The following MTHFD1L variants were observed in gnomAD, a reference collection of about 807,000 sequenced individuals.
MTHFD1L encodes the protein methylenetetrahydrofolate dehydrogenase (NADP+ dependent) 1 like.
Under a neutral mutation model 119.5 loss-of-function variants are expected in MTHFD1L, and 81 were observed. That is an observed-to-expected ratio of 0.68 (90% CI 0.57 to 0.82). The LOEUF (loss-of-function observed/expected upper bound fraction) is 0.82, where lower values mean the gene tolerates loss of function less well. Ranked by LOEUF, MTHFD1L falls within the 40% of genes least tolerant of loss-of-function variation. The probability of loss-of-function intolerance (pLI) is 0.00; values close to 1 mark genes in which losing one functional copy is unlikely to be tolerated. For synonymous variants in MTHFD1L, 430 were observed against 475.2 expected, an observed-to-expected ratio of 0.90 and a Z score of 1.24; for missense variants, 1,125 against 1,253.4, an observed-to-expected ratio of 0.90 and a Z score of 1.55.
At chr6:150,911,329 T>C (rs1483385016) in intron 8 of MTHFD1L, among the ~76,000 whole-genome samples, 1 of 152,206 alleles carries the variant, frequency 6.6e-6, no homozygotes, top group Non-Finnish European at 1.5e-5. Context: ...TTTTAAAAAC[T>C]AGTGATATGC....
At chr6:150,966,439 A>G (rs1397255294) in intron 19 of MTHFD1L, among the ~76,000 whole-genome samples, 1 of 152,174 alleles carries the variant, frequency 6.6e-6, no homozygotes, top group African/African-American at 2.4e-5. Context: ...ACCTCTCCCC[A>G]GGCCCCTCCT....
At chr6:151,085,805 C>A (rs946946941) in intron 26 of MTHFD1L, among the ~76,000 whole-genome samples, 2 of 151,978 alleles carry the variant, frequency 1.3e-5, no homozygotes, top group Admixed American at 1.3e-4. Flanking sequence ...CTGAATGTCC[C>A]AAGGGTCTGC....
chr6:150,988,715 T>C (rs1445709749), intron 20 of MTHFD1L, among the ~76,000 whole-genome samples: 6 of 152,248 alleles, frequency 3.9e-5, no homozygotes, highest in Non-Finnish European at 8.8e-5. Flanking sequence ...TAAGTGATTC[T>C]TCTGCCTCAG....
At chr6:150,991,934 C>T (rs1172861981) in intron 20 of MTHFD1L, among the ~76,000 whole-genome samples, 1 of 152,080 alleles carries the variant, frequency 6.6e-6, no homozygotes, top group Non-Finnish European at 1.5e-5. Flanking sequence ...CAAAATAGTT[C>T]GCTAGTTCAG....
chr6:151,059,822 C>T (rs770217761), intron 26 of MTHFD1L, among the ~76,000 whole-genome samples: 4 of 152,202 alleles, frequency 2.6e-5, no homozygotes, highest in African/African-American at 4.8e-5. Flanking sequence ...GGCTCTAACT[C>T]GGTGTCTTAC....
chr6:150,866,076 A>C (rs1477884866), intron 1 of MTHFD1L, 27 bp downstream of exon 1: 2 of 1,480,298 alleles, frequency 1.4e-6, no homozygotes, highest in African/African-American at 2.9e-5. Context: ...GCCCTGGCCC[A>C]GGTCTCCAGC....
chr6:151,012,454 G>T (rs1415096837), intron 21 of MTHFD1L, among the ~76,000 whole-genome samples: 1 of 151,968 alleles, frequency 6.6e-6, no homozygotes, highest in Non-Finnish European at 1.5e-5. Context: ...AACCATGGCT[G>T]CCTCTTATGT....
intron 2 of MTHFD1L, among the ~76,000 whole-genome samples, chr6:150,876,975 G>C (rs750628554): frequency 6.6e-6 from 1 of 152,112 alleles, no homozygotes; most frequent in African/African-American, 2.4e-5. Context: ...ATTAGGGCTC[G>C]GGCCTCCTGG....
intron 14 of MTHFD1L, 130 bp from the exon 15 acceptor site, chr6:150,945,337 A>G (rs565098472): frequency 4.5e-6 from 3 of 670,904 alleles, no homozygotes; most frequent in South Asian, 2.1e-5. Flanking sequence ...TTAGCCCACA[A>G]ATTTTAATAG....
At chr6:150,960,518 A>G in intron 18 of MTHFD1L, 103 bp downstream of exon 18, 4 of 1,425,748 alleles carry the variant, frequency 2.8e-6, no homozygotes, top group Non-Finnish European at 3.7e-6. Context: ...TGTAATGAGG[A>G]TACAGAAAAA....
chr6:150,970,019 A>G (rs912750788), intron 19 of MTHFD1L, among the ~76,000 whole-genome samples: 2 of 152,192 alleles, frequency 1.3e-5, no homozygotes, highest in South Asian at 2.1e-4. Context: ...CTAGGAATCT[A>G]TCTCAGCAGA....
At chr6:151,065,049 C>G (rs948344267) in intron 26 of MTHFD1L, among the ~76,000 whole-genome samples, 1 of 152,164 alleles carries the variant, frequency 6.6e-6, no homozygotes, top group Non-Finnish European at 1.5e-5. Flanking sequence ...GGTGATCCAC[C>G]CGCCTTGGAC....
At chr6:150,948,802 A>ACCTG (rs1562437035) in intron 15 of MTHFD1L, among the ~76,000 whole-genome samples, 9 of 136,414 alleles carry the variant, frequency 6.6e-5, no homozygotes, top group East Asian at 4.7e-4. Context: ...CACCATGCCC[A>ACCTG]GCTAATTTTT....
chr6:150,981,246 A>G (rs1426888766), intron 20 of MTHFD1L, among the ~76,000 whole-genome samples: 1 of 152,044 alleles, frequency 6.6e-6, no homozygotes, highest in Non-Finnish European at 1.5e-5. Flanking sequence ...CGATTTTTGC[A>G]TTTTGCTGCG....
rs1792533763 is a variant in MTHFD1L at position 150,938,643 on chromosome 6, A to G, written c.1394-56A>G. 5.7e-6 allele frequency: 9 copies of G among 1,573,942 alleles called. No homozygotes were observed. In the Admixed American group the frequency reaches 9.2e-5, roughly 16 times the overall value. On this transcript the variant is annotated intron_variant, in intron 12 of 27. Coordinates refer to ENST00000367321, the MANE Select transcript of MTHFD1L (RefSeq NM_015440.5). ...GAGCTGTGTCCCTTGGCCTGTGTCC[A>G]TCGTGGCAGCTGTACTTGGTGACCC...
intron 20 of MTHFD1L, among the ~76,000 whole-genome samples, chr6:150,994,094 A>AAAGAAGAAAGAAAGAAAGAAAGTAAGT (rs1482239065): frequency 3.3e-5 from 4 of 119,530 alleles, no homozygotes; most frequent in Non-Finnish European, 5.6e-5. Context: ...AGAAAGAAAG[A>AAAGAAGAAAGAAAGAAAGAAAGTAAGT]AAGTGACCCA....
At chr6:151,001,969 A>G (rs1303413312) in intron 20 of MTHFD1L, among the ~76,000 whole-genome samples, 1 of 152,238 alleles carries the variant, frequency 6.6e-6, no homozygotes, top group African/African-American at 2.4e-5. Flanking sequence ...AGGATCATAA[A>G]GAACATTCTA....
In MTHFD1L at chr6:151,071,837, A is replaced by ATTTT. The variant is rs753092094; in HGVS notation, c.2848-20611_2848-20608dup. Among the ~76,000 whole-genome samples the ATTTT allele has an allele frequency of 6.7e-3, 724 of 107,490 alleles. 23 individuals are homozygous for ATTTT. The highest frequency in any genetic ancestry group is 0.024 in the African/African-American group (657 of 27,940). 70.5% of individuals were successfully genotyped at this position (107,490 alleles called of 152,430 possible). A position where few individuals can be genotyped will look rare whatever the true frequency, so the allele number is the denominator to read the frequency against. ...ATATTAAGCAACATTGTAAGTACAG[A>ATTTT]TTTTTTTTTTTTTTTTTTTTTTGAG... On this transcript the variant is annotated intron_variant, in intron 26 of 27. Transcript: ENST00000367321.
intron 26 of MTHFD1L, among the ~76,000 whole-genome samples, chr6:151,037,429 T>TGATTGTCTTAA (rs1584257762): frequency 6.6e-6 from 1 of 152,144 alleles, no homozygotes; most frequent in African/African-American, 2.4e-5. Context: ...CTTAAGACAG[T>TGATTGTCTTAA]GGTTGTCAAC....
Sources: gnomAD v4.1 joint callset for allele counts (sites outside exome capture counted in the v4.1 genomes callset) on GRCh38, gnomAD v4.1.1 for gene constraint, MANE v1.5 for transcripts, NCBI Gene and HGNC (gene_info 2026-07-23, HGNC 2026-07-21) for gene names.